PDE3B: variants seen among roughly 807,000 people sequenced by gnomAD.
PDE3B encodes cGMP-inhibited 3',5'-cyclic phosphodiesterase 3B.
A neutral mutation model predicts 116.8 loss-of-function variants in PDE3B; 66 were observed. That is an observed-to-expected ratio of 0.56 (90% CI 0.46 to 0.69). The LOEUF (loss-of-function observed/expected upper bound fraction) is 0.69, where lower values mean the gene tolerates loss of function less well. Among genes scored for constraint, PDE3B ranks in the 30% least tolerant of loss-of-function variants. The pLI is 0.00. For missense variants in PDE3B, 1,384 were observed against 1,368.1 expected (o/e 1.01, Z -0.18); for synonymous variants, 595 against 533.6 (o/e 1.12, Z -1.59).
Position 14,786,466 on chromosome 11 carries a change from T to C in PDE3B, c.1059T>C (p.Leu353=). ...CTGGAGGTGGAAATGGAGTTGATCT[T>C]TCAGTGCTAAATGAGGCTCGCAATA... The part of the protein sequence containing the change: ...QNSGGGNGVD[L]SVLNEARNMV... Residue 353 remains leucine (L), a synonymous_variant, in exon 3 of 16, where the codon CTT becomes CTC. Transcript: ENST00000282096. 1 of 1,612,284 alleles carries C rather than the reference T, an allele frequency of 6.2e-7. No individual in the cohort carries two copies. The highest frequency in any genetic ancestry group is 8.5e-7 in the Non-Finnish European group (1 of 1,178,710).
chr11:14,805,985 G>C (rs550471398), intron 5 of PDE3B, among the ~76,000 whole-genome samples: 17 of 152,282 alleles, frequency 1.1e-4, no homozygotes, highest in African/African-American at 3.8e-4. Context: ...TAAAAAGTCA[G>C]GAAACAACAG....
At chr11:14,808,225 CAG>C (rs1859009998) in intron 5 of PDE3B, among the ~76,000 whole-genome samples, 1 of 152,032 alleles carries the variant, frequency 6.6e-6, no homozygotes, top group African/African-American at 2.4e-5. Flanking sequence ...GCAGGAGAAA[CAG>C]AAACTACACA....
chr11:14,681,374 G>C (rs1047998540), intron 1 of PDE3B, among the ~76,000 whole-genome samples: 1 of 152,090 alleles, frequency 6.6e-6, no homozygotes, highest in Non-Finnish European at 1.5e-5. Context: ...ATTGAATTGT[G>C]GGGGAGGGTC....
At chr11:14,788,992 TC>T (rs1427249147) in intron 3 of PDE3B, 113 bp from the exon 4 acceptor site, 5 of 673,194 alleles carry the variant, frequency 7.4e-6, no homozygotes, top group Non-Finnish European at 1.2e-5. Flanking sequence ...TTCTTTTTTC[TC>T]TGTACATGTT....
chr11:14,816,101 G>C (rs1353911538), intron 5 of PDE3B, among the ~76,000 whole-genome samples: 5 of 152,194 alleles, frequency 3.3e-5, no homozygotes, highest in Non-Finnish European at 4.4e-5. Flanking sequence ...TAATGTTGCA[G>C]TCTTGAACCT....
At chr11:14,837,009 TCA>T (rs1228356583) in intron 11 of PDE3B, among the ~76,000 whole-genome samples, 2 of 152,228 alleles carry the variant, frequency 1.3e-5, no homozygotes, top group Non-Finnish European at 2.9e-5. Flanking sequence ...AGATGGGGTT[TCA>T]CCATGTTGCC....
chr11:14,731,276 T>G (rs1856449729), intron 1 of PDE3B, among the ~76,000 whole-genome samples: 1 of 146,416 alleles, frequency 6.8e-6, no homozygotes, highest in Admixed American at 6.9e-5. Flanking sequence ...TTTTTTTTTT[T>G]GAGACAGAGT....
intron 1 of PDE3B, among the ~76,000 whole-genome samples, chr11:14,745,908 A>C (rs766852591): frequency 6.6e-6 from 1 of 152,158 alleles, no homozygotes; most frequent in Non-Finnish European, 1.5e-5. Flanking sequence ...CCCATTTGCT[A>C]TCTGATTCAG....
At chr11:14,659,947 C>T (rs573858688) in intron 1 of PDE3B, among the ~76,000 whole-genome samples, 18 of 152,294 alleles carry the variant, frequency 1.2e-4, no homozygotes, top group Non-Finnish European at 2.4e-4. Flanking sequence ...GCAGTTCATA[C>T]AATCTGTTTG....
rs2133916449 is a variant in PDE3B, at chr11:14,786,588, G to T, written c.1181G>T (p.Cys394Phe). 8.1e-6 allele frequency: 13 copies of T among 1,613,014 alleles called. No individual in the cohort carries two copies. The highest frequency in any genetic ancestry group is 1.1e-5 in the Non-Finnish European group (13 of 1,179,212). Residue 394 changes from cysteine to phenylalanine, a missense_variant, in exon 3 of 16, where the codon TGT (cysteine) becomes TTT (phenylalanine). Around this residue, in one of 2 missense-constraint regions of PDE3B, gnomAD observed 956 missense variants for 806.8 expected, o/e 1.18. Transcript: ENST00000282096. Reference protein sequence around the residue: ...SSLMGAFSGSCRPKINPLTPF... With the variant: ...SSLMGAFSGSFRPKINPLTPF... ...TTAATGGGTGCTTTCTCAGGTTCCT[G>T]TAGGCCAAAGATTAATCCTCTCACA...
rs570122763 is a variant in PDE3B at position 14,832,837 on chromosome 11, A to G, written c.2206+4A>G. 12 of 1,199,844 alleles carry G rather than the reference A, an allele frequency of 1.0e-5. No homozygotes were observed. The highest frequency in any genetic ancestry group is 1.5e-5 in the Non-Finnish European group (12 of 819,994). The allele number at this position is 1,199,844 out of a possible 1,614,324, so 74.3% of individuals were successfully genotyped here. On this transcript the variant is annotated splice_donor_region_variant and intron_variant, in intron 10 of 15. Coordinates refer to ENST00000282096, the MANE Select transcript of PDE3B (RefSeq NM_000922.4). ...AATGGCTATCGAGACATTCCTTGTA[A>G]GTATTAACATATTTTATTATTTAAG...
intron 7 of PDE3B, among the ~76,000 whole-genome samples, chr11:14,828,860 T>C (rs986126816): frequency 6.6e-6 from 1 of 152,200 alleles, no homozygotes; most frequent in African/African-American, 2.4e-5. Context: ...CACATGCGTG[T>C]GTATGTTTAT....
chr11:14,845,885 G>A (rs1847589132), intron 12 of PDE3B, among the ~76,000 whole-genome samples: 1 of 152,146 alleles, frequency 6.6e-6, no homozygotes, highest in Non-Finnish European at 1.5e-5. Flanking sequence ...AAAGTGAGGG[G>A]GAGAATGGAA....
At chr11:14,831,928 A>T (rs1302328312) in intron 9 of PDE3B, 151 bp downstream of exon 9, 1 of 497,888 alleles carries the variant, frequency 2.0e-6, no homozygotes, top group Admixed American at 3.7e-5. Context: ...TATACATAAA[A>T]CAATTATATA....
intron 1 of PDE3B, among the ~76,000 whole-genome samples, chr11:14,742,368 A>G (rs1353061315): frequency 6.6e-6 from 1 of 152,042 alleles, no homozygotes; most frequent in Admixed American, 6.5e-5. Context: ...CTTCCACTTG[A>G]TGAGTTCAGC....
intron 1 of PDE3B, among the ~76,000 whole-genome samples, chr11:14,713,285 G>A (rs1855762513): frequency 6.6e-6 from 1 of 152,114 alleles, no homozygotes; most frequent in Non-Finnish European, 1.5e-5. Flanking sequence ...GGTTTGTGAT[G>A]GTTAATTTTA....
intron 1 of PDE3B, among the ~76,000 whole-genome samples, chr11:14,659,694 A>G (rs1450294527): frequency 6.6e-6 from 1 of 152,062 alleles, no homozygotes; most frequent in East Asian, 1.9e-4. Context: ...GTTCCTCCCT[A>G]CGTGGTCATG....
chr11:14,828,886 A>G (rs1471389871), intron 7 of PDE3B, among the ~76,000 whole-genome samples: 1 of 152,234 alleles, frequency 6.6e-6, no homozygotes, highest in Non-Finnish European at 1.5e-5. Flanking sequence ...CACTATTTAC[A>G]ATAGCAAAGA....
intron 1 of PDE3B, among the ~76,000 whole-genome samples, chr11:14,722,875 T>G (rs1416421593): frequency 2.0e-5 from 3 of 152,078 alleles, no homozygotes; most frequent in African/African-American, 7.2e-5. Context: ...GTTATGATAT[T>G]TTTTTTAGAA....
Sources: gnomAD v4.1 joint callset for allele counts (sites outside exome capture counted in the v4.1 genomes callset) on GRCh38, gnomAD v4.1.1 for gene constraint, gnomAD v4.1.1 regional missense constraint, MANE v1.5 for transcripts, NCBI Gene and HGNC (gene_info 2026-07-23, HGNC 2026-07-21) for gene names.